Variants in MIPOL1 observed in about 807,000 individuals in gnomAD.
MIPOL1 encodes mirror-image polydactyly gene 1 protein.
In MIPOL1, 57 loss-of-function variants were observed where a neutral mutation model predicts 60.9. The observed-to-expected ratio is 0.94, with a 90% CI of 0.76 to 1.17. The LOEUF is 1.17. Ranked by LOEUF, MIPOL1 falls within the 50% of genes most tolerant of loss-of-function variation. MIPOL1 has a pLI of 0.00. For synonymous variants in MIPOL1, 179 were observed against 168.8 expected (o/e 1.06, Z -0.47); for missense variants, 551 against 511.6 (o/e 1.08, Z -0.74).
intron 7 of MIPOL1, among the ~76,000 whole-genome samples, chr14:37,296,381 C>A (rs1375261621): frequency 6.6e-6 from 1 of 152,064 alleles, no homozygotes; most frequent in Admixed American, 6.5e-5. Flanking sequence ...ACCCTAACAT[C>A]ACAATTAAAA....
intron 11 of MIPOL1, among the ~76,000 whole-genome samples, chr14:37,463,112 A>G (rs1221012989): frequency 6.6e-6 from 1 of 152,192 alleles, no homozygotes; most frequent in African/African-American, 2.4e-5. Flanking sequence ...AGCGTTTCAC[A>G]TGTCTGGGGA....
chr14:37,467,431 T>C, intron 11 of MIPOL1, among the ~76,000 whole-genome samples: 1 of 152,208 alleles, frequency 6.6e-6, no homozygotes, highest in East Asian at 1.9e-4. Context: ...TTATGATAAA[T>C]ATCATTTTTT....
intron 11 of MIPOL1, among the ~76,000 whole-genome samples, chr14:37,429,093 T>G (rs2094015916): frequency 6.6e-6 from 1 of 152,224 alleles, no homozygotes; most frequent in East Asian, 1.9e-4. Flanking sequence ...CTAGACAGTT[T>G]CATCAAGAAA....
chr14:37,435,326 G>A (rs1955947), intron 11 of MIPOL1, among the ~76,000 whole-genome samples: 148,913 of 152,260 alleles, frequency 0.98, 72,908 homozygotes, highest in East Asian at 1. Context: ...TTCTACCCCC[G>A]GAATGTCACA....
intron 9 of MIPOL1, among the ~76,000 whole-genome samples, chr14:37,326,429 G>A (rs1393904749): frequency 2.0e-5 from 3 of 152,122 alleles, no homozygotes; most frequent in Non-Finnish European, 4.4e-5. Flanking sequence ...TTTGGCAGAA[G>A]CATTGTGTGT....
chr14:37,383,609 T>C (rs2092986466), intron 10 of MIPOL1, among the ~76,000 whole-genome samples: 1 of 151,878 alleles, frequency 6.6e-6, no homozygotes, highest in Non-Finnish European at 1.5e-5. Flanking sequence ...GTGTTAGTCA[T>C]TTACTGGTTT....
chr14:37,536,629 T>C (rs2153638703), intron 12 of MIPOL1, among the ~76,000 whole-genome samples: 1 of 152,254 alleles, frequency 6.6e-6, no homozygotes, highest in East Asian at 1.9e-4. Context: ...TGTTTTGAGT[T>C]TTTTCTCGCT....
At chr14:37,415,022 G>T (rs2093739991) in intron 10 of MIPOL1, among the ~76,000 whole-genome samples, 1 of 152,040 alleles carries the variant, frequency 6.6e-6, no homozygotes. Context: ...GTCTTCTTTG[G>T]GAGTTAGTTA....
chr14:37,448,356 G>T (rs975942969), intron 11 of MIPOL1, among the ~76,000 whole-genome samples: 5 of 152,286 alleles, frequency 3.3e-5, no homozygotes, highest in Non-Finnish European at 5.9e-5. Flanking sequence ...AACATGTCCT[G>T]TACATGCTAC....
intron 11 of MIPOL1, among the ~76,000 whole-genome samples, chr14:37,448,629 G>T (rs746143287): frequency 3.9e-5 from 6 of 152,124 alleles, no homozygotes; most frequent in Non-Finnish European, 7.4e-5. Context: ...ATAGCATAAA[G>T]TCTGAAAAAT....
chr14:37,270,640 CCTTT>C, intron 6 of MIPOL1, 115 bp downstream of exon 6: 1 of 258,992 alleles, frequency 3.9e-6, no homozygotes, highest in Non-Finnish European at 6.2e-6. Flanking sequence ...GGGAAGCTCT[CCTTT>C]TTTTTTTTTT....
intron 6 of MIPOL1, chr14:37,277,977 C>T (rs2083805579): frequency 6.6e-6 from 1 of 151,312 alleles, no homozygotes; most frequent in Non-Finnish European, 1.5e-5. Context: ...ACATATGCTG[C>T]TTATTTTAAT....
chr14:37,528,092 G>A (rs1566778932), intron 12 of MIPOL1, among the ~76,000 whole-genome samples: 1 of 151,902 alleles, frequency 6.6e-6, no homozygotes. Context: ...ATCAGAAAAT[G>A]CTTTTTTCAT....
At position 37,285,197 on chromosome 14, in the gene MIPOL1, T is replaced by C; in HGVS notation, c.494-121T>C. 2.1e-6 allele frequency: 2 copies of C among 960,284 alleles called. 1 individual carries two copies. The highest frequency in any genetic ancestry group is 4.0e-5 in the South Asian group (2 of 49,960). 59.5% of individuals were successfully genotyped at this position (960,284 alleles called of 1,614,324 possible). On this transcript the variant is annotated intron_variant, in intron 6 of 12. Coordinates refer to ENST00000684589, the MANE Select transcript of MIPOL1 (RefSeq NM_001388067.1). ...TATTTTATGAATTGATTGATTGATA[T>C]TAATTCAGTTTATTGAGTAGTCCTT...
intron 11 of MIPOL1, among the ~76,000 whole-genome samples, chr14:37,440,970 G>T (rs2094235297): frequency 1.3e-5 from 2 of 152,110 alleles, no homozygotes; most frequent in South Asian, 4.1e-4. Flanking sequence ...TGTCAATGAG[G>T]ATGTCTCATT....
chr14:37,518,923 A>G (rs1457298163), intron 12 of MIPOL1, among the ~76,000 whole-genome samples: 1 of 57,392 alleles, frequency 1.7e-5, no homozygotes, highest in Non-Finnish European at 3.1e-5. Flanking sequence ...GAATCAAAAA[A>G]TAAACTCTTT....
At chr14:37,220,646 T>G (rs1968586301) in intron 1 of MIPOL1, among the ~76,000 whole-genome samples, 1 of 152,218 alleles carries the variant, frequency 6.6e-6, no homozygotes, top group South Asian at 2.1e-4. Context: ...ACTGTCACAA[T>G]TTCCTTTTGA....
At chr14:37,273,011 A>G (rs1308191909) in intron 6 of MIPOL1, among the ~76,000 whole-genome samples, 3 of 151,342 alleles carry the variant, frequency 2.0e-5, no homozygotes, top group Non-Finnish European at 4.4e-5. Flanking sequence ...ATAGAGATTT[A>G]TATTTAAAGA....
At chr14:37,349,346 G>A (rs1421767477) in intron 9 of MIPOL1, among the ~76,000 whole-genome samples, 3 of 152,080 alleles carry the variant, frequency 2.0e-5, no homozygotes, top group African/African-American at 7.2e-5. Flanking sequence ...AACAAATTAT[G>A]TGGCTTCTCT....
Sources: allele counts gnomAD v4.1 joint callset (sites outside exome capture counted in the v4.1 genomes callset), GRCh38; gene constraint gnomAD v4.1.1; transcripts MANE v1.5; gene names NCBI Gene and HGNC (gene_info 2026-07-23, HGNC 2026-07-21).